FARS2: variants seen among roughly 807,000 people sequenced by gnomAD.
FARS2 encodes phenylalanyl-tRNA synthetase 2, mitochondrial.
Under a neutral mutation model 46.4 loss-of-function variants are expected in FARS2, and 40 were observed. The observed-to-expected ratio is 0.86, with a 90% CI of 0.67 to 1.12. The LOEUF (loss-of-function observed/expected upper bound fraction) is 1.12. Ranked by LOEUF, FARS2 falls within the 50% of genes most tolerant of loss-of-function variation. The pLI, the probability that FARS2 is intolerant of heterozygous loss-of-function variation, is 0.00. For synonymous variants in FARS2, 234 were observed against 214.9 expected (o/e 1.09, Z -0.78); for missense variants, 513 against 567.9 (o/e 0.90, Z 0.98).
chr6:5,543,402 TGGACCAAGC>T (rs1048381402), intron 4 of FARS2, among the ~76,000 whole-genome samples: 3 of 150,182 alleles, frequency 2.0e-5, no homozygotes, highest in Non-Finnish European at 4.4e-5. Context: ...TCTCACTCTG[TGGACCAAGC>T]TGGAGTGCCA....
intron 4 of FARS2, among the ~76,000 whole-genome samples, chr6:5,482,214 T>A (rs115117495): frequency 0.011 from 1,751 of 152,272 alleles, 43 homozygotes; most frequent in African/African-American, 0.04. Flanking sequence ...CTCCTCACAT[T>A]TTTATATTTC....
intron 1 of FARS2, among the ~76,000 whole-genome samples, chr6:5,271,719 C>T (rs1042617609): frequency 2.0e-5 from 3 of 151,898 alleles, no homozygotes; most frequent in Non-Finnish European, 2.9e-5. Flanking sequence ...CCCGCCACCA[C>T]GCCCGGCTAA....
At chr6:5,541,018 T>C (rs1209698947) in intron 4 of FARS2, among the ~76,000 whole-genome samples, 1 of 152,234 alleles carries the variant, frequency 6.6e-6, no homozygotes, top group Non-Finnish European at 1.5e-5. Context: ...CCAGTCATAA[T>C]TCTCAGCTTG....
chr6:5,593,468 T>A (rs1774035293), intron 5 of FARS2, among the ~76,000 whole-genome samples: 1 of 152,154 alleles, frequency 6.6e-6, no homozygotes, highest in South Asian at 2.1e-4. Flanking sequence ...GTGGGTGTCT[T>A]TTTATGCCCA....
At chr6:5,283,066 G>C (rs764784628) in intron 1 of FARS2, among the ~76,000 whole-genome samples, 4 of 151,680 alleles carry the variant, frequency 2.6e-5, no homozygotes, top group Admixed American at 2.0e-4. Context: ...GTGAAACCCT[G>C]TCTCGACTAA....
chr6:5,354,735 G>T (rs969487224), intron 1 of FARS2, among the ~76,000 whole-genome samples: 6 of 151,984 alleles, frequency 3.9e-5, no homozygotes, highest in Non-Finnish European at 5.9e-5. Context: ...GGATGGTCTC[G>T]ATCTCCTGAC....
rs150477330 is a variant in FARS2, at chr6:5,369,032, G to A, written c.462G>A (p.Ala154=). ...TGAATCGGACTCACATGCTGAGAGC[G>A]CACACGTCTGCACACCAGTGGGACT... The part of the protein sequence containing the change: ...YYLNRTHMLR[A]HTSAHQWDLL... The change falls in exon 2 of 7, where the codon GCG becomes GCA. Residue 154 remains alanine, a synonymous_variant. Transcript: ENST00000274680. The A allele has an allele frequency of 1.3e-4, 213 of 1,613,984 alleles. 2 individuals are homozygous for A. The South Asian group carries it at 2.1e-3, about 16-fold the overall frequency.
chr6:5,582,146 G>A (rs1773371607), intron 5 of FARS2, among the ~76,000 whole-genome samples: 1 of 129,322 alleles, frequency 7.7e-6, no homozygotes, highest in Non-Finnish European at 1.6e-5. Context: ...GTTAATTCCT[G>A]ATGTGCTTTT....
At chr6:5,421,833 A>T (rs1382846822) in intron 3 of FARS2, among the ~76,000 whole-genome samples, 1 of 152,204 alleles carries the variant, frequency 6.6e-6, no homozygotes, top group African/African-American at 2.4e-5. Context: ...AAGCCATTCA[A>T]CAAGTCTCTA....
intron 6 of FARS2, among the ~76,000 whole-genome samples, chr6:5,664,362 G>C (rs1294032100): frequency 6.6e-6 from 1 of 152,116 alleles, no homozygotes; most frequent in East Asian, 1.9e-4. Context: ...TACACCGAGG[G>C]TCCTGCCAGG....
chr6:5,612,721 C>T (rs1775256742), intron 5 of FARS2, among the ~76,000 whole-genome samples: 1 of 152,110 alleles, frequency 6.6e-6, no homozygotes, highest in Non-Finnish European at 1.5e-5. Flanking sequence ...ATTAGAAATA[C>T]TAACAAATAA....
Position 5,545,301 on chromosome 6 carries a change from G to A in FARS2, c.1026G>A (p.Gln342=), listed in dbSNP as rs1444560091. The A allele has an allele frequency of 1.2e-6, 2 of 1,614,092 alleles. No homozygotes were observed. The highest frequency in any genetic ancestry group is 1.7e-6 in the Non-Finnish European group (2 of 1,179,948). The change falls in exon 5 of 7, where the codon CAG becomes CAA. Residue 342 remains glutamine (Q), a synonymous_variant. Coordinates refer to ENST00000274680, the MANE Select transcript of FARS2 (RefSeq NM_006567.5). The part of the protein sequence containing the change: ...FWCEDERFLK[Q]FCVSNINQKV... ...GTGAGGACGAGCGCTTCCTGAAGCA[G>A]TTCTGTGTATCCAACATTAATCAGA... is the stretch of plus-strand genomic sequence containing the variant.
chr6:5,716,014 A>G (rs1460558956), intron 6 of FARS2, among the ~76,000 whole-genome samples: 1 of 152,226 alleles, frequency 6.6e-6, no homozygotes, highest in Non-Finnish European at 1.5e-5. Flanking sequence ...TAGTGGCTAC[A>G]AAGTGTTACC....
intron 2 of FARS2, among the ~76,000 whole-genome samples, chr6:5,400,615 T>G (rs139665995): frequency 7.8e-6 from 1 of 128,396 alleles, no homozygotes; most frequent in African/African-American, 3.0e-5. Context: ...GGAGTAAGTT[T>G]AATATGTGTG....
intron 5 of FARS2, among the ~76,000 whole-genome samples, chr6:5,588,260 G>A (rs1333632168): frequency 1.3e-5 from 2 of 151,436 alleles, no homozygotes; most frequent in African/African-American, 2.4e-5. Context: ...GGGAAGTGGT[G>A]TGGGCGTGGG....
chr6:5,361,148 GGT>G (rs1225032832), intron 1 of FARS2, among the ~76,000 whole-genome samples: 12 of 152,032 alleles, frequency 7.9e-5, no homozygotes, highest in African/African-American at 1.2e-4. Flanking sequence ...TTTATAGGTA[GGT>G]GTATATTTAT....
chr6:5,466,313 C>G (rs915965938), intron 4 of FARS2, among the ~76,000 whole-genome samples: 3 of 152,110 alleles, frequency 2.0e-5, no homozygotes, highest in African/African-American at 4.8e-5. Context: ...AACATGAAAC[C>G]TTTATTTGTA....
intron 6 of FARS2, among the ~76,000 whole-genome samples, chr6:5,661,314 A>G (rs1349745783): frequency 6.6e-6 from 1 of 152,238 alleles, no homozygotes; most frequent in East Asian, 1.9e-4. Flanking sequence ...TTGCACAGAT[A>G]GTTTGAAACA....
chr6:5,749,251 G>A (rs1461344413), intron 6 of FARS2, among the ~76,000 whole-genome samples: 1 of 152,276 alleles, frequency 6.6e-6, no homozygotes, highest in Non-Finnish European at 1.5e-5. Flanking sequence ...CCAGCTGCAG[G>A]AGTGAGGCAG....
Sources: gnomAD v4.1 joint callset for allele counts (sites outside exome capture counted in the v4.1 genomes callset) on GRCh38, gnomAD v4.1.1 for gene constraint, MANE v1.5 for transcripts, NCBI Gene and HGNC (gene_info 2026-07-23, HGNC 2026-07-21) for gene names.